The following TOM1L1 variants were observed in gnomAD, a reference collection of about 807,000 sequenced individuals.
The protein encoded by TOM1L1 is target of myb1 like 1 membrane trafficking protein.
Under a neutral mutation model 63.4 loss-of-function variants are expected in TOM1L1, and 64 were observed. That is an observed-to-expected ratio of 1.01 (90% confidence interval 0.83 to 1.24). The LOEUF is 1.24. Ranked by LOEUF, TOM1L1 falls within the 50% of genes most tolerant of loss-of-function variation. The probability of loss-of-function intolerance (pLI) is 0.00; values close to 1 mark genes in which losing one functional copy is unlikely to be tolerated. For missense variants in TOM1L1, 536 were observed against 567.0 expected, an observed-to-expected ratio of 0.95 and a Z score of 0.55; for synonymous variants, 166 against 194.4, an observed-to-expected ratio of 0.85 and a Z score of 1.22.
intron 7 of TOM1L1, among the ~76,000 whole-genome samples, chr17:54,925,451 C>G (rs1206066723): frequency 6.6e-6 from 1 of 152,154 alleles, no homozygotes; most frequent in Non-Finnish European, 1.5e-5. Flanking sequence ...AAGCCAGGCC[C>G]CAGGGCACAG....
In TOM1L1 at chr17:54,961,519, T is replaced by G; in HGVS notation, c.*286T>G. Reference sequence around the variant, plus strand: ...CTTAGGCCAACCAATTTAACTGCAGTGTCATGTTTCACAGGCCTTCCTACA... The same window carrying G: ...CTTAGGCCAACCAATTTAACTGCAGGGTCATGTTTCACAGGCCTTCCTACA... On this transcript the variant is annotated 3_prime_UTR_variant, in exon 16 of 16. Transcript: ENST00000575882. 2 of 1,394,328 alleles carry G rather than the reference T, an allele frequency of 1.4e-6. No individual in the cohort carries two copies. The highest frequency in any genetic ancestry group is 9.3e-7 in the Non-Finnish European group (1 of 1,076,908). 86.4% of individuals were successfully genotyped at this position (1,394,328 alleles called of 1,614,324 possible).
intron 7 of TOM1L1, chr17:54,916,563 A>AT (rs1221704874): frequency 3.3e-5 from 5 of 152,178 alleles, no homozygotes; most frequent in African/African-American, 1.2e-4. Flanking sequence ...AGAAGCAGTT[A>AT]GAAAAAAAAA....
At chr17:54,937,511 T>C (rs1166642858) in intron 10 of TOM1L1, 1 of 382,908 alleles carries the variant, frequency 2.6e-6, no homozygotes, top group East Asian at 5.2e-5. Context: ...CAATGGCCAA[T>C]ACTTAAAGTC....
chr17:54,950,682 C>T lies in TOM1L1; in HGVS notation c.1370+556C>T, dbSNP rs368042644. Among the ~76,000 whole-genome samples, 227 of 152,250 alleles carry T rather than the reference C, an allele frequency of 1.5e-3. 7 individuals are homozygous for T. The South Asian group carries it at 0.046, about 31-fold the overall frequency. The stretch of plus-strand genomic sequence containing the variant: ...ATATACTTTGAGTGACTGAAGGTTA[C>T]CCCCAAATTGTTAAAAATTATTAAA... On this transcript the variant is annotated intron_variant, in intron 14 of 15. Coordinates refer to ENST00000575882, the MANE Select transcript of TOM1L1 (RefSeq NM_005486.3).
intron 8 of TOM1L1, among the ~76,000 whole-genome samples, chr17:54,932,364 T>C (rs1363281218): frequency 6.6e-6 from 1 of 152,082 alleles, no homozygotes; most frequent in Admixed American, 6.5e-5. Context: ...ATGTCTGTAA[T>C]CTATAGATAA....
rs1598101811 is a variant in TOM1L1, at chr17:54,961,443, T to C, written c.*210T>C. On this transcript the variant is annotated 3_prime_UTR_variant, in exon 16 of 16. Transcript: ENST00000575882. ...CAGCGTGAGATTTCAACAGAACTTGTTTGGAACAAATACTCACTTAAAACT... is the reference window on the plus strand; with the variant it reads ...CAGCGTGAGATTTCAACAGAACTTGCTTGGAACAAATACTCACTTAAAACT... 1 of 1,498,438 alleles carries C rather than the reference T, an allele frequency of 6.7e-7. No individual in the cohort carries two copies. Among genetic ancestry groups the C allele is most frequent in the East Asian group, 2.5e-5 (1 of 40,264 alleles). 92.8% of individuals were successfully genotyped at this position (1,498,438 alleles called of 1,614,324 possible).
intron 7 of TOM1L1, among the ~76,000 whole-genome samples, chr17:54,926,080 C>A (rs929985039): frequency 2.0e-5 from 3 of 152,306 alleles, no homozygotes; most frequent in Admixed American, 1.3e-4. Flanking sequence ...GTTCCACCAA[C>A]CCACACTGAA....
intron 1 of TOM1L1, among the ~76,000 whole-genome samples, chr17:54,901,686 A>C (rs1222850147): frequency 6.6e-6 from 1 of 152,142 alleles, no homozygotes; most frequent in Non-Finnish European, 1.5e-5. Context: ...TATTAATGCC[A>C]GGCAAAGTGT....
chr17:54,952,284 T>C (rs2049270772), intron 14 of TOM1L1: 1 of 152,118 alleles, frequency 6.6e-6, no homozygotes, highest in African/African-American at 2.4e-5. Context: ...CCTGATGTGG[T>C]GGCTCACCCC....
intron 11 of TOM1L1, among the ~76,000 whole-genome samples, chr17:54,944,886 G>C (rs1377427292): frequency 3.3e-5 from 5 of 152,026 alleles, no homozygotes; most frequent in Admixed American, 6.5e-5. Context: ...GATTTCTTTT[G>C]TTTCTTTCTC....
chr17:54,906,095 A>G (rs769445161), intron 3 of TOM1L1, among the ~76,000 whole-genome samples: 2 of 152,160 alleles, frequency 1.3e-5, no homozygotes, highest in African/African-American at 4.8e-5. Context: ...ACTTGAGCCC[A>G]GGAATTCAAG....
chr17:54,937,284 T>A, intron 10 of TOM1L1, 58 bp downstream of exon 10: 1 of 1,315,332 alleles, frequency 7.6e-7, no homozygotes, highest in Non-Finnish European at 1.1e-6. Flanking sequence ...TAAACAGTTC[T>A]CCTTAATTAC....
Position 54,913,737 on chromosome 17 carries a change from C to G in TOM1L1, c.373-11C>G, listed in dbSNP as rs376539699. On this transcript the variant is annotated splice_polypyrimidine_tract_variant and intron_variant, in intron 4 of 15. Transcript: ENST00000575882. Reference sequence around the variant, plus strand: ...TTTAACTCTGGAACTTTTTTCATCTCTTGAATTCAGACTTGGTCACAGGGC... The same window carrying G: ...TTTAACTCTGGAACTTTTTTCATCTGTTGAATTCAGACTTGGTCACAGGGC... 9 of 1,580,036 alleles carry G rather than the reference C, an allele frequency of 5.7e-6. No individual in the cohort carries two copies. The African/African-American group carries it at 9.6e-5, about 17-fold the overall frequency.
chr17:54,923,814 A>G (rs1350083440), intron 7 of TOM1L1, among the ~76,000 whole-genome samples: 2 of 151,636 alleles, frequency 1.3e-5, no homozygotes, highest in Non-Finnish European at 2.9e-5. Context: ...CCAAAGTTGT[A>G]TTATAGCTTT....
chr17:54,949,502 G>A lies in TOM1L1; in HGVS notation c.1183-16G>A, dbSNP rs780800648. On this transcript the variant is annotated splice_polypyrimidine_tract_variant and intron_variant, in intron 12 of 15. Transcript: ENST00000575882. ...ATGTAGAACGTTTATATGAACATGT[G>A]TTATGCTTTCTTCAGTTTCTGGAAC... is the stretch of plus-strand genomic sequence containing the variant. The A allele has an allele frequency of 1.9e-6, 3 of 1,591,696 alleles. No homozygotes were observed. The highest frequency in any genetic ancestry group is 2.2e-5 in the South Asian group (2 of 90,618).
At chr17:54,923,489 A>G (rs762094649) in intron 7 of TOM1L1, among the ~76,000 whole-genome samples, 3 of 151,224 alleles carry the variant, frequency 2.0e-5, no homozygotes, top group Non-Finnish European at 3.0e-5. Context: ...CATTTTCCTA[A>G]TGACTAATGA....
At chr17:54,959,545 G>A (rs1169080775) in intron 14 of TOM1L1, 1 of 151,330 alleles carries the variant, frequency 6.6e-6, no homozygotes, top group Non-Finnish European at 1.5e-5. Context: ...GTACAGAAAT[G>A]ACAGTGATGA....
intron 6 of TOM1L1, among the ~76,000 whole-genome samples, 199 bp downstream of exon 6, chr17:54,914,942 CT>C (rs1369016015): frequency 6.6e-6 from 1 of 152,214 alleles, no homozygotes; most frequent in Admixed American, 6.5e-5. Context: ...GTTCTGTCTG[CT>C]TCCAAAGCCC....
intron 15 of TOM1L1, chr17:54,960,993 G>A (rs966866942): frequency 3.6e-6 from 2 of 556,296 alleles, no homozygotes; most frequent in African/African-American, 1.9e-5. Flanking sequence ...CCTCCAAATA[G>A]GTCTGAATTT....
Sources: allele counts gnomAD v4.1 joint callset (sites outside exome capture counted in the v4.1 genomes callset), GRCh38; gene constraint gnomAD v4.1.1; transcripts MANE v1.5; gene names NCBI Gene and HGNC (gene_info 2026-07-23, HGNC 2026-07-21).